MEST: variants seen among roughly 807,000 people sequenced by gnomAD.
The protein encoded by MEST is mesoderm specific transcript.
MEST carries 18 observed loss-of-function variants against 50.9 expected under a neutral mutation model. That is an observed-to-expected ratio of 0.35 (90% CI 0.24 to 0.52). The LOEUF (loss-of-function observed/expected upper bound fraction) is 0.52. MEST is among the 20% of genes least tolerant of loss of function. The pLI is 0.94. For missense variants in MEST, 282 were observed against 425.3 expected (o/e 0.66, Z 2.96); for synonymous variants, 130 against 154.1 (o/e 0.84, Z 1.16).
At position 130,492,287 on chromosome 7, in the gene MEST, C is replaced by A; in HGVS notation, c.-27C>A. The A allele has an allele frequency of 7.4e-7, 1 of 1,346,500 alleles. No individual in the cohort carries two copies. Among genetic ancestry groups the A allele is most frequent in the Non-Finnish European group, 9.5e-7 (1 of 1,050,130 alleles). 83.4% of individuals were successfully genotyped at this position (1,346,500 alleles called of 1,614,324 possible). ...CGGCGCCCGGTGCTCTGCAACGCTG[C>A]GGCGGGCGGCATGGGATAACGCGGC... On this transcript the variant is annotated 5_prime_UTR_variant, in exon 1 of 12. Transcript: ENST00000223215. This position sits in a 1 kb window ranked among gnomAD's most constrained non-coding sequence, Gnocchi z 7.6.
intron 10 of MEST, 32 bp from the exon 11 acceptor site, chr7:130,503,901 G>T: frequency 2.0e-6 from 3 of 1,529,480 alleles, no homozygotes; most frequent in Non-Finnish European, 2.7e-6. Flanking sequence ...TGTGAGAGCT[G>T]TTAAGTATTT....
rs782637569 is a variant in MEST, at chr7:130,504,008, C to A, written c.890+12C>A. 1 of 1,605,396 alleles carries A rather than the reference C, an allele frequency of 6.2e-7. No homozygotes were observed. Among genetic ancestry groups the A allele is most frequent in the Non-Finnish European group, 8.5e-7 (1 of 1,172,428 alleles). On this transcript the variant is annotated intron_variant, in intron 11 of 11. Transcript: ENST00000223215. ...TTGGAGCTGTACAGGTGAGTCTCCCCGAGAGAAGTCTATGTTTTGTTAGTA... is the reference window on the plus strand; with the variant it reads ...TTGGAGCTGTACAGGTGAGTCTCCCAGAGAGAAGTCTATGTTTTGTTAGTA...
upstream of MEST, among the ~76,000 whole-genome samples, chr7:130,490,490 T>G (rs1798761971): frequency 6.6e-6 from 1 of 152,006 alleles, no homozygotes; most frequent in Non-Finnish European, 1.5e-5. Flanking sequence ...GCCCTCAAAT[T>G]CTTGTACTCA....
intron 9 of MEST, among the ~76,000 whole-genome samples, chr7:130,501,557 C>T (rs146468379): frequency 6.6e-6 from 1 of 152,176 alleles, no homozygotes; most frequent in African/African-American, 2.4e-5. Flanking sequence ...ACAAAAATAA[C>T]TGTCCTGGAG....
intron 11 of MEST, among the ~76,000 whole-genome samples, chr7:130,504,726 G>T (rs1340381579): frequency 6.6e-6 from 1 of 152,214 alleles, no homozygotes; most frequent in Non-Finnish European, 1.5e-5. Context: ...GTTGTTGTTT[G>T]TTGGATTATG....
At chr7:130,489,091 G>A (rs1798709680), upstream of MEST, 1 of 152,198 alleles carries the variant, frequency 6.6e-6, no homozygotes, top group Non-Finnish European at 1.5e-5. Flanking sequence ...CATATTATGG[G>A]TCTCAAACTG....
In MEST at chr7:130,492,387, T is replaced by C; in HGVS notation, c.26+48T>C. 1 of 1,259,254 alleles carries C rather than the reference T, an allele frequency of 7.9e-7. No individual in the cohort carries two copies. The highest frequency in any genetic ancestry group is 1.0e-6 in the Non-Finnish European group (1 of 994,552). 78.0% of individuals were successfully genotyped at this position (1,259,254 alleles called of 1,614,324 possible). A position where few individuals can be genotyped will look rare whatever the true frequency, so the allele number is the denominator to read the frequency against. On this transcript the variant is annotated intron_variant, in intron 1 of 11. Coordinates refer to ENST00000223215, the MANE Select transcript of MEST (RefSeq NM_002402.4). The surrounding 1 kb of genome is among the most constrained non-coding windows in gnomAD (Gnocchi z 7.6). ...GGGGTGTGGCTGGCGGCCCTGGGAC[T>C]AGGGCGCAGGCGAGCGGAGGACTGT...
intron 1 of MEST, among the ~76,000 whole-genome samples, chr7:130,494,007 T>C (rs1299031666): frequency 2.0e-5 from 3 of 152,212 alleles, no homozygotes; most frequent in African/African-American, 7.2e-5. Context: ...ATCCGTCTTA[T>C]GGACAGGTAC....
intron 1 of MEST, among the ~76,000 whole-genome samples, chr7:130,494,347 A>ATCT (rs1280098266): frequency 6.6e-6 from 1 of 152,160 alleles, no homozygotes; most frequent in Non-Finnish European, 1.5e-5. Flanking sequence ...GGCTGTTTTG[A>ATCT]GAGAACTTCC....
intron 9 of MEST, among the ~76,000 whole-genome samples, chr7:130,502,353 A>G (rs1799307650): frequency 6.6e-6 from 1 of 152,242 alleles, no homozygotes; most frequent in Non-Finnish European, 1.5e-5. Context: ...TTTTAGTTAC[A>G]TAAAATCCAA....
At chr7:130,491,138 C>G (rs1554435065), upstream of MEST, 1 of 152,268 alleles carries the variant, frequency 6.6e-6, no homozygotes, top group Non-Finnish European at 1.5e-5. The surrounding 1 kb of genome is among the most constrained non-coding windows in gnomAD (Gnocchi z 6.8). Flanking sequence ...TCGTGATACT[C>G]TACACTTTTC....
rs1186728520 is a variant in MEST, at chr7:130,505,888, T to G, written c.*832T>G. 6.6e-6 allele frequency: 1 copy of G among 152,206 alleles called. No individual in the cohort carries two copies. The highest frequency in any genetic ancestry group is 1.5e-5 in the Non-Finnish European group (1 of 68,032). The allele number at this position is 152,206 out of a possible 1,614,324, so 9.4% of individuals were successfully genotyped here. ...CTAACAGCAAATAACAGTCTGAGACTCCTCATACCTCAGTGGTTAGAAGCA... is the reference window on the plus strand; with the variant it reads ...CTAACAGCAAATAACAGTCTGAGACGCCTCATACCTCAGTGGTTAGAAGCA... On this transcript the variant is annotated 3_prime_UTR_variant, in exon 12 of 12. Coordinates refer to ENST00000223215, the MANE Select transcript of MEST (RefSeq NM_002402.4).
chr7:130,500,004 C>T lies in MEST; in HGVS notation c.576+89C>T, dbSNP rs868991604. 2.3e-5 allele frequency: 24 copies of T among 1,055,976 alleles called. No homozygotes were observed. The Middle Eastern group carries it at 1.7e-3, about 74-fold the overall frequency. 65.4% of individuals were successfully genotyped at this position (1,055,976 alleles called of 1,614,324 possible). A position where few individuals can be genotyped will look rare whatever the true frequency, so the allele number is the denominator to read the frequency against. On this transcript the variant is annotated intron_variant, in intron 7 of 11. Coordinates refer to ENST00000223215, the MANE Select transcript of MEST (RefSeq NM_002402.4). This position sits in a 1 kb window ranked among gnomAD's most constrained non-coding sequence, Gnocchi z 5.0. ...CTTTTAAGGGCCATAGCTCCTGTAA[C>T]TGGCAGTAGTTAAATCCTCTTCCTT... is the stretch of plus-strand genomic sequence containing the variant.
At chr7:130,487,807 T>C (rs2116198769), upstream of MEST, 1 of 152,228 alleles carries the variant, frequency 6.6e-6, no homozygotes, top group East Asian at 1.9e-4. Context: ...CCACTACACA[T>C]GGCTAATTTT....
Position 130,497,903 on chromosome 7 carries a change from C to A in MEST, c.262-33C>A. ...GTCTGGTGAAAGGGAGGGGCAGGAG[C>A]AGAAAGCCCAAATCATCGTTTCTTT... On this transcript the variant is annotated intron_variant, in intron 3 of 11. Coordinates refer to ENST00000223215, the MANE Select transcript of MEST (RefSeq NM_002402.4). The surrounding 1 kb of genome is among the most constrained non-coding windows in gnomAD (Gnocchi z 4.0). 3.7e-6 allele frequency: 6 copies of A among 1,603,460 alleles called. No individual in the cohort carries two copies. Among genetic ancestry groups the A allele is most frequent in the Middle Eastern group, 1.7e-4 (1 of 6,046 alleles).
Position 130,500,348 on chromosome 7 carries a change from C to A in MEST, c.577-114C>A. On this transcript the variant is annotated intron_variant, in intron 7 of 11. Transcript: ENST00000223215. The surrounding 1 kb of genome is among the most constrained non-coding windows in gnomAD (Gnocchi z 5.0). ...GCAAAACAAAATGCCAAGTACCAAA[C>A]CATTCAGTAGCAGGAGATTTGGCTA... The A allele has an allele frequency of 2.3e-6, 2 of 873,820 alleles. No individual in the cohort carries two copies. Among genetic ancestry groups the A allele is most frequent in the Non-Finnish European group, 3.5e-6 (2 of 565,882 alleles). 54.1% of individuals were successfully genotyped at this position (873,820 alleles called of 1,614,324 possible). A position where few individuals can be genotyped will look rare whatever the true frequency, so the allele number is the denominator to read the frequency against.
At chr7:130,491,471 G>T (rs1554435186), upstream of MEST, 1 of 152,312 alleles carries the variant, frequency 6.6e-6, no homozygotes, top group African/African-American at 2.4e-5. The surrounding 1 kb of genome is among the most constrained non-coding windows in gnomAD (Gnocchi z 6.8). Context: ...CCATGAATCT[G>T]TTTACTAGCT....
At chr7:130,503,021 G>A (rs141806205) in intron 10 of MEST, among the ~76,000 whole-genome samples, 2 of 152,276 alleles carry the variant, frequency 1.3e-5, no homozygotes, top group African/African-American at 4.8e-5. Flanking sequence ...TGTGTGTGTA[G>A]AGTGAAGTAT....
chr7:130,489,682 C>T (rs1286686972), upstream of MEST: 1 of 152,242 alleles, frequency 6.6e-6, no homozygotes, highest in African/African-American at 2.4e-5. Context: ...CCATCTCAAC[C>T]TCAATCCCTC....
Sources: gnomAD v4.1 joint callset for allele counts (sites outside exome capture counted in the v4.1 genomes callset) on GRCh38, gnomAD v4.1.1 for gene constraint, Gnocchi (gnomAD v3.1) non-coding constraint, MANE v1.5 for transcripts, NCBI Gene and HGNC (gene_info 2026-07-23, HGNC 2026-07-21) for gene names.